NRXN1: variants seen among roughly 807,000 people sequenced by gnomAD.
NRXN1 encodes the protein neurexin 1.
Under a neutral mutation model 150.9 loss-of-function variants are expected in NRXN1, and 39 were observed. The observed-to-expected ratio is 0.26, with a 90% CI of 0.20 to 0.34. The LOEUF is 0.34. Among genes scored for constraint, NRXN1 ranks in the 10% least tolerant of loss-of-function variants. The pLI is 1.00. For synonymous variants in NRXN1, 924 were observed against 757.0 expected (o/e 1.22, Z -3.62); for missense variants, 1,815 against 1,949.9 (o/e 0.93, Z 1.30).
intron 17 of NRXN1, among the ~76,000 whole-genome samples, chr2:50,417,656 C>G (rs1182868888): frequency 1.3e-5 from 2 of 151,702 alleles, no homozygotes; most frequent in African/African-American, 4.8e-5. Context: ...GTGTGAAAAC[C>G]CTGTTAAAGC....
intron 21 of NRXN1, among the ~76,000 whole-genome samples, chr2:50,009,418 A>G (rs1361849481): frequency 6.6e-6 from 1 of 152,190 alleles, no homozygotes; most frequent in East Asian, 1.9e-4. Flanking sequence ...GTAACTTAAA[A>G]AATAACATAT....
At chr2:50,869,431 C>T (rs1677434934) in intron 5 of NRXN1, among the ~76,000 whole-genome samples, 1 of 150,944 alleles carries the variant, frequency 6.6e-6, no homozygotes, top group Non-Finnish European at 1.5e-5. Context: ...GTTAAGGTAT[C>T]CTGACTTAAA....
intron 5 of NRXN1, among the ~76,000 whole-genome samples, chr2:50,746,840 G>A (rs1055806904): frequency 6.6e-6 from 1 of 152,058 alleles, no homozygotes; most frequent in Non-Finnish European, 1.5e-5. Flanking sequence ...GAAATGAGAA[G>A]GACCGTTTCA....
At chr2:50,541,708 C>A (rs2093393416) in intron 9 of NRXN1, among the ~76,000 whole-genome samples, 1 of 150,486 alleles carries the variant, frequency 6.6e-6, no homozygotes, top group South Asian at 2.1e-4. Context: ...CACCCACCCA[C>A]ACCCACACAC....
intron 17 of NRXN1, among the ~76,000 whole-genome samples, chr2:50,385,462 T>C (rs1439634924): frequency 6.6e-6 from 1 of 152,188 alleles, no homozygotes; most frequent in Non-Finnish European, 1.5e-5. Flanking sequence ...CTTAGTGACT[T>C]CTACATTAAG....
At chr2:50,473,124 T>C (rs1024316549) in intron 15 of NRXN1, among the ~76,000 whole-genome samples, 1 of 151,958 alleles carries the variant, frequency 6.6e-6, no homozygotes, top group African/African-American at 2.4e-5. Flanking sequence ...ACCTCTCTTG[T>C]TCGATAATTC....
intron 19 of NRXN1, among the ~76,000 whole-genome samples, chr2:50,061,821 C>T (rs187656115): frequency 1.3e-5 from 2 of 152,298 alleles, no homozygotes; most frequent in Admixed American, 6.5e-5. Context: ...GGTACCTTCA[C>T]TGAAAATGTC....
intron 2 of NRXN1, among the ~76,000 whole-genome samples, chr2:50,941,928 T>C (rs1284063643): frequency 6.6e-6 from 1 of 152,160 alleles, no homozygotes; most frequent in East Asian, 1.9e-4. Flanking sequence ...GGACATTTAG[T>C]ATATCTTTGG....
intron 19 of NRXN1, among the ~76,000 whole-genome samples, chr2:50,061,794 G>A (rs1694574019): frequency 6.6e-6 from 1 of 152,150 alleles, no homozygotes; most frequent in South Asian, 2.1e-4. Flanking sequence ...AGTTAATTTT[G>A]TGTGGTTTGA....
At chr2:50,031,053 GT>G (rs1689102749) in intron 21 of NRXN1, among the ~76,000 whole-genome samples, 1 of 151,986 alleles carries the variant, frequency 6.6e-6, no homozygotes, top group Non-Finnish European at 1.5e-5. Flanking sequence ...CAGTGGGACT[GT>G]TTTCTAAAGA....
intron 21 of NRXN1, among the ~76,000 whole-genome samples, chr2:50,015,233 C>G (rs112212969): frequency 1.3e-5 from 2 of 152,008 alleles, no homozygotes; most frequent in African/African-American, 4.8e-5. Context: ...ACTGTCCTAA[C>G]ACAAGGGGAC....
At chr2:50,356,114 A>G (rs2078796802) in intron 17 of NRXN1, among the ~76,000 whole-genome samples, 1 of 152,134 alleles carries the variant, frequency 6.6e-6, no homozygotes, top group South Asian at 2.1e-4. Flanking sequence ...TGCCAAGTTG[A>G]ATTACAGAAC....
At chr2:50,258,526 C>T (rs2067943221) in intron 17 of NRXN1, among the ~76,000 whole-genome samples, 1 of 151,750 alleles carries the variant, frequency 6.6e-6, no homozygotes, top group African/African-American at 2.4e-5. Context: ...GTAGTTACCT[C>T]CTCCACTGAA....
At chr2:50,515,939 T>C (rs2092618784) in intron 12 of NRXN1, among the ~76,000 whole-genome samples, 1 of 152,146 alleles carries the variant, frequency 6.6e-6, no homozygotes, top group Non-Finnish European at 1.5e-5. Context: ...AGCCTACTAT[T>C]TGACTTTCCC....
At chr2:50,316,596 T>C (rs193260243) in intron 17 of NRXN1, among the ~76,000 whole-genome samples, 1 of 152,160 alleles carries the variant, frequency 6.6e-6, no homozygotes, top group East Asian at 1.9e-4. Context: ...TTATAACTGA[T>C]GTCATGTAAT....
rs546221262 is a variant in NRXN1 at position 50,346,138 on chromosome 2, T to C, written c.3365-109168A>G. Among the ~76,000 whole-genome samples, 5 of 152,278 alleles carry C rather than the reference T, an allele frequency of 3.3e-5. No homozygotes were observed. Among genetic ancestry groups the C allele is most frequent in the East Asian group, 1.9e-4 (1 of 5,148 alleles). On this transcript the variant is annotated intron_variant, in intron 17 of 22. Coordinates refer to ENST00000401669, the MANE Select transcript of NRXN1 (RefSeq NM_001330078.2). The surrounding 1 kb of genome is among the most constrained non-coding windows in gnomAD (Gnocchi z 5.0). Reference sequence around the variant, plus strand: ...AGGGAAGGCGTGGGGGCAAAAGTAATTGGCCTCCTGTTGAGTGAGTCCCAG... The same window carrying C: ...AGGGAAGGCGTGGGGGCAAAAGTAACTGGCCTCCTGTTGAGTGAGTCCCAG...
At chr2:50,665,777 T>A (rs983409102) in intron 5 of NRXN1, among the ~76,000 whole-genome samples, 1 of 151,972 alleles carries the variant, frequency 6.6e-6, no homozygotes, top group African/African-American at 2.4e-5. Context: ...GATCATATAA[T>A]TTAAAATCTG....
At chr2:50,992,720 C>T (rs572678836) in intron 2 of NRXN1, among the ~76,000 whole-genome samples, 12 of 151,980 alleles carry the variant, frequency 7.9e-5, no homozygotes, top group South Asian at 2.1e-4. Context: ...GGAGCAACTC[C>T]GTTTGTTTTC....
chr2:50,108,922 C>A (rs1050597444), intron 18 of NRXN1, among the ~76,000 whole-genome samples: 1 of 152,104 alleles, frequency 6.6e-6, no homozygotes, highest in Admixed American at 6.5e-5. Context: ...CTGTTGGATG[C>A]AAATATAGCC....
Sources: gnomAD v4.1 joint callset for allele counts (sites outside exome capture counted in the v4.1 genomes callset) on GRCh38, gnomAD v4.1.1 for gene constraint, Gnocchi (gnomAD v3.1) non-coding constraint, MANE v1.5 for transcripts, NCBI Gene and HGNC (gene_info 2026-07-23, HGNC 2026-07-21) for gene names.